Variants in GPC5 observed in about 807,000 individuals in gnomAD.
GPC5 encodes glypican 5, also known as glypican-5.
GPC5 carries 47 observed loss-of-function variants against 53.9 expected under a neutral mutation model. The ratio of observed to expected loss-of-function variants is 0.87; its 90% CI spans 0.69 to 1.11. GPC5 has a LOEUF of 1.11. Among genes scored for constraint, GPC5 ranks in the 50% most tolerant of loss-of-function variants. The probability of loss-of-function intolerance (pLI) is 0.00; values close to 1 mark genes in which losing one functional copy is unlikely to be tolerated. For synonymous variants in GPC5, 286 were observed against 263.3 expected (o/e 1.09, Z -0.84); for missense variants, 748 against 713.1 (o/e 1.05, Z -0.56).
chr13:91,873,330 T>C (rs1182608112), intron 5 of GPC5, among the ~76,000 whole-genome samples: 2 of 152,160 alleles, frequency 1.3e-5, no homozygotes, highest in African/African-American at 2.4e-5. Flanking sequence ...TTTTTTGTTT[T>C]TGTTTTTATT....
chr13:91,897,657 T>C (rs1327217148), intron 5 of GPC5, among the ~76,000 whole-genome samples: 3 of 152,174 alleles, frequency 2.0e-5, no homozygotes, highest in Non-Finnish European at 4.4e-5. Flanking sequence ...AACTGTGTTC[T>C]CTATAAAAAT....
chr13:92,147,641 T>C (rs1180271069), intron 7 of GPC5, among the ~76,000 whole-genome samples: 1 of 152,070 alleles, frequency 6.6e-6, no homozygotes, highest in Non-Finnish European at 1.5e-5. Context: ...TGGACAGGCA[T>C]GGTACAAGCA....
rs1433640228 is a variant in GPC5 at position 92,372,832 on chromosome 13, T to C, written c.1561+227843T>C. ...CTTCAGTCATTGTTAAGAAAAGCTA[T>C]CTGAACTGGGTGAACTCCATGAACA... On this transcript the variant is annotated intron_variant, in intron 7 of 7. Transcript: ENST00000377067. 2.0e-5 allele frequency among the ~76,000 whole-genome samples: 3 copies of C among 152,210 alleles called. No individual in the cohort carries two copies. The East Asian group carries it at 5.8e-4, about 29-fold the overall frequency.
intron 7 of GPC5, among the ~76,000 whole-genome samples, chr13:92,861,764 T>C (rs1276567512): frequency 6.6e-6 from 1 of 152,188 alleles, no homozygotes; most frequent in Non-Finnish European, 1.5e-5. Flanking sequence ...TTAAAATATG[T>C]AGGCTTTACT....
intron 6 of GPC5, among the ~76,000 whole-genome samples, chr13:92,065,194 T>C (rs144944492): frequency 3.0e-3 from 452 of 152,304 alleles, no homozygotes; most frequent in African/African-American, 0.01. Context: ...CAAATAGTTA[T>C]GAGTCTATCT....
Position 91,538,684 on chromosome 13 carries a change from G to A in GPC5, c.325+89762G>A, listed in dbSNP as rs979174549. Reference sequence around the variant, plus strand: ...TGCAAGCTCCGCCTCCCGGATTCACGCCCTTCTCTTGCCTCAGCCTCCTGA... The same window carrying A: ...TGCAAGCTCCGCCTCCCGGATTCACACCCTTCTCTTGCCTCAGCCTCCTGA... On this transcript the variant is annotated intron_variant, in intron 2 of 7. Coordinates refer to ENST00000377067, the MANE Select transcript of GPC5 (RefSeq NM_004466.6). Among the ~76,000 whole-genome samples the A allele has an allele frequency of 2.7e-5, 4 of 148,710 alleles. No individual in the cohort carries two copies. The South Asian group carries it at 6.3e-4, about 24-fold the overall frequency.
chr13:91,501,714 A>G (rs1454718309), intron 2 of GPC5, among the ~76,000 whole-genome samples: 1 of 152,204 alleles, frequency 6.6e-6, no homozygotes, highest in Non-Finnish European at 1.5e-5. Flanking sequence ...ATACGTGTGC[A>G]TGTGTCTTTA....
chr13:91,691,962 T>C (rs1180537219), intron 2 of GPC5, among the ~76,000 whole-genome samples: 1 of 152,200 alleles, frequency 6.6e-6, no homozygotes. Flanking sequence ...AACAGTCCAG[T>C]ATCCTTATTT....
chr13:92,579,562 A>C, intron 7 of GPC5, among the ~76,000 whole-genome samples: 1 of 152,042 alleles, frequency 6.6e-6, no homozygotes, highest in East Asian at 1.9e-4. Context: ...GTGGGGCCAT[A>C]AGGGGACTAT....
rs186980178 is a variant in GPC5 at position 91,797,981 on chromosome 13, A to G, written c.1280+41561A>G. ...ATTGTTGGGCGCAGAGTAAATAGGAAAGTACAGGTTAGGGAGATTATCTTG... is the reference window on the plus strand; with the variant it reads ...ATTGTTGGGCGCAGAGTAAATAGGAGAGTACAGGTTAGGGAGATTATCTTG... On this transcript the variant is annotated intron_variant, in intron 5 of 7. Transcript: ENST00000377067. Among the ~76,000 whole-genome samples the G allele has an allele frequency of 3.9e-5, 6 of 152,276 alleles. 1 individual carries two copies. Among genetic ancestry groups the G allele is most frequent in the African/African-American group, 1.4e-4 (6 of 41,560 alleles).
At position 91,792,567 on chromosome 13, in the gene GPC5, T is replaced by C. The variant is rs578163439; in HGVS notation, c.1280+36147T>C. On this transcript the variant is annotated intron_variant, in intron 5 of 7. Coordinates refer to ENST00000377067, the MANE Select transcript of GPC5 (RefSeq NM_004466.6). ...GCTATGAGTGAAATAGTATCATTTG[T>C]TGATGGCTCATTCAAAGTATATTTC... Among the ~76,000 whole-genome samples, 3 of 152,348 alleles carry C rather than the reference T, an allele frequency of 2.0e-5. No homozygotes were observed. In the South Asian group the frequency reaches 6.2e-4, roughly 32 times the overall value.
At chr13:92,758,240 C>T (rs1049032535) in intron 7 of GPC5, among the ~76,000 whole-genome samples, 1 of 149,496 alleles carries the variant, frequency 6.7e-6, no homozygotes, top group Non-Finnish European at 1.5e-5. Context: ...GAACAAAAAA[C>T]CAAACACCAC....
At chr13:92,824,803 C>T (rs1249340443) in intron 7 of GPC5, among the ~76,000 whole-genome samples, 1 of 151,088 alleles carries the variant, frequency 6.6e-6, no homozygotes, top group Non-Finnish European at 1.5e-5. Flanking sequence ...AAACAATCTA[C>T]AAGCCTCTGT....
intron 2 of GPC5, among the ~76,000 whole-genome samples, chr13:91,531,897 A>T (rs368613767): frequency 4.3e-4 from 65 of 152,274 alleles, no homozygotes; most frequent in African/African-American, 1.5e-3. Context: ...CATTGTTTCC[A>T]TGAGTCTCTT....
chr13:91,833,191 C>T (rs2038683382), intron 5 of GPC5, among the ~76,000 whole-genome samples: 1 of 152,012 alleles, frequency 6.6e-6, no homozygotes, highest in Admixed American at 6.6e-5. Context: ...AAGACTAAAC[C>T]AGGAAGAAGT....
At chr13:91,823,966 C>A (rs1403567256) in intron 5 of GPC5, among the ~76,000 whole-genome samples, 1 of 152,024 alleles carries the variant, frequency 6.6e-6, no homozygotes, top group Non-Finnish European at 1.5e-5. Context: ...TGGTGTTGTG[C>A]ATTTGGCAAA....
intron 7 of GPC5, among the ~76,000 whole-genome samples, chr13:92,715,903 G>A (rs186581518): frequency 8.1e-4 from 123 of 152,274 alleles, no homozygotes; most frequent in African/African-American, 2.7e-3. Flanking sequence ...AATGCTTAGA[G>A]AATTAATCTA....
At chr13:92,251,423 G>A (rs2042691996) in intron 7 of GPC5, among the ~76,000 whole-genome samples, 1 of 152,024 alleles carries the variant, frequency 6.6e-6, no homozygotes, top group Admixed American at 6.6e-5. Context: ...GCACATCACT[G>A]GATATATGTG....
intron 5 of GPC5, among the ~76,000 whole-genome samples, chr13:91,858,040 CT>C (rs891523867): frequency 6.6e-6 from 1 of 151,510 alleles, no homozygotes; most frequent in Non-Finnish European, 1.5e-5. Flanking sequence ...AATTTTGCAT[CT>C]GTTTTCATAG....
Sources: allele counts gnomAD v4.1 joint callset (sites outside exome capture counted in the v4.1 genomes callset), GRCh38; gene constraint gnomAD v4.1.1; transcripts MANE v1.5; gene names NCBI Gene and HGNC (gene_info 2026-07-23, HGNC 2026-07-21).